Variants in RUNX1 observed in about 807,000 individuals in gnomAD.
The protein encoded by RUNX1 is RUNX family transcription factor 1, also known as runt-related transcription factor 1.
Under a neutral mutation model 42.8 loss-of-function variants are expected in RUNX1, and 19 were observed. That is an observed-to-expected ratio of 0.44 (90% CI 0.31 to 0.65). The LOEUF (loss-of-function observed/expected upper bound fraction) is 0.65. Among genes scored for constraint, RUNX1 ranks in the 30% least tolerant of loss-of-function variants. The probability of loss-of-function intolerance (pLI) is 0.07; values close to 1 mark genes in which losing one functional copy is unlikely to be tolerated. For missense variants in RUNX1, 528 were observed against 672.0 expected (o/e 0.79, Z 2.37); for synonymous variants, 271 against 289.4 (o/e 0.94, Z 0.64).
chr21:34,955,843 T>C (rs549179937), intron 2 of RUNX1, among the ~76,000 whole-genome samples: 10 of 152,320 alleles, frequency 6.6e-5, no homozygotes, highest in African/African-American at 9.6e-5. Context: ...AATCAAGTAA[T>C]TGCATTAAGG....
chr21:34,936,100 C>T (rs1160518572), intron 2 of RUNX1, among the ~76,000 whole-genome samples: 2 of 148,206 alleles, frequency 1.3e-5, no homozygotes, highest in Admixed American at 6.8e-5. Flanking sequence ...TCCCAGAAGC[C>T]CCCCTTTGAA....
intron 2 of RUNX1, among the ~76,000 whole-genome samples, chr21:35,041,072 A>G (rs1387289003): frequency 2.6e-5 from 4 of 152,326 alleles, no homozygotes; most frequent in South Asian, 4.1e-4. Context: ...CTCTCAGGCT[A>G]TATTTGATTT....
intron 2 of RUNX1, among the ~76,000 whole-genome samples, chr21:34,922,540 G>T (rs965736953): frequency 1.3e-5 from 2 of 152,204 alleles, no homozygotes; most frequent in Non-Finnish European, 2.9e-5. Flanking sequence ...AACAGGGTAA[G>T]GGAGAGAAGG....
At chr21:34,895,748 T>C (rs981974752) in intron 2 of RUNX1, among the ~76,000 whole-genome samples, 1 of 151,916 alleles carries the variant, frequency 6.6e-6, no homozygotes. Flanking sequence ...AGTTCAAAAA[T>C]ACATAGACGT....
chr21:34,853,713 T>C (rs1483651597), intron 6 of RUNX1, among the ~76,000 whole-genome samples: 2 of 152,192 alleles, frequency 1.3e-5, no homozygotes, highest in Non-Finnish European at 2.9e-5. Flanking sequence ...AAAATAACAA[T>C]GTGAACTAGG....
chr21:34,869,349 G>A (rs2057706337), intron 5 of RUNX1, among the ~76,000 whole-genome samples: 1 of 152,162 alleles, frequency 6.6e-6, no homozygotes, highest in South Asian at 2.1e-4. Flanking sequence ...GAACACAGAT[G>A]GGGAGACTGA....
chr21:34,790,755 C>CAA lies in RUNX1; in HGVS notation c.*1379_*1380insTT. On this transcript the variant is annotated 3_prime_UTR_variant, in exon 9 of 9. Coordinates refer to ENST00000675419, the MANE Select transcript of RUNX1 (RefSeq NM_001754.5). Reference sequence around the variant, plus strand: ...TCCCACTTGTCTCCACTGAGGCACACAGAGGCAAATTGACTCCTCGAGGCC... The same window carrying CAA: ...TCCCACTTGTCTCCACTGAGGCACACAAAGAGGCAAATTGACTCCTCGAGGCC... The CAA allele has an allele frequency of 4.3e-6, 1 of 233,314 alleles. No homozygotes were observed. Among genetic ancestry groups the CAA allele is most frequent in the Non-Finnish European group, 8.5e-6 (1 of 118,074 alleles). 14.5% of individuals were successfully genotyped at this position (233,314 alleles called of 1,614,324 possible). A position where few individuals can be genotyped will look rare whatever the true frequency, so the allele number is the denominator to read the frequency against.
chr21:34,980,118 T>C (rs1221075157), intron 2 of RUNX1, among the ~76,000 whole-genome samples: 3 of 152,274 alleles, frequency 2.0e-5, no homozygotes, highest in Admixed American at 2.0e-4. Context: ...TATATAAAGA[T>C]CTGCTATTAT....
At chr21:34,995,164 G>A (rs912944375) in intron 2 of RUNX1, among the ~76,000 whole-genome samples, 7 of 152,150 alleles carry the variant, frequency 4.6e-5, no homozygotes, top group Admixed American at 1.3e-4. Flanking sequence ...TGGTGGCCAC[G>A]GAGGCCCCAC....
At chr21:34,994,364 T>C (rs1389734774) in intron 2 of RUNX1, among the ~76,000 whole-genome samples, 1 of 152,218 alleles carries the variant, frequency 6.6e-6, no homozygotes, top group Non-Finnish European at 1.5e-5. Context: ...AGGGTGACCA[T>C]AGTCAATAAT....
At position 34,791,616 on chromosome 21, in the gene RUNX1, C is replaced by T. The variant is rs1423032499; in HGVS notation, c.*519G>A. On this transcript the variant is annotated 3_prime_UTR_variant, in exon 9 of 9. Coordinates refer to ENST00000675419, the MANE Select transcript of RUNX1 (RefSeq NM_001754.5). ...TAAAAACCACCCAAATGCAAATACG[C>T]ATTTTGCAATTGATAAGGTGCGGAA... 4.3e-6 allele frequency: 1 copy of T among 230,196 alleles called. No homozygotes were observed. Among genetic ancestry groups the T allele is most frequent in the Non-Finnish European group, 8.6e-6 (1 of 116,038 alleles). The allele number at this position is 230,196 out of a possible 1,614,324, so 14.3% of individuals were successfully genotyped here.
intron 2 of RUNX1, among the ~76,000 whole-genome samples, chr21:34,924,202 C>T (rs566350378): frequency 9.2e-5 from 14 of 152,318 alleles, no homozygotes; most frequent in African/African-American, 3.4e-4. Context: ...CCCAACTTAG[C>T]TCCTCTCCTC....
intron 2 of RUNX1, among the ~76,000 whole-genome samples, chr21:34,931,615 A>G: frequency 8.1e-6 from 1 of 123,290 alleles, no homozygotes; most frequent in African/African-American, 4.7e-5. Flanking sequence ...TGAGATGACT[A>G]GAGGAGGGAT....
intron 6 of RUNX1, among the ~76,000 whole-genome samples, chr21:34,836,370 G>A (rs547478987): frequency 2.6e-5 from 4 of 152,330 alleles, no homozygotes; most frequent in African/African-American, 4.8e-5. Context: ...GTATGAAAAT[G>A]TCTTTTTTCT....
At chr21:34,981,192 T>A (rs767834708) in intron 2 of RUNX1, among the ~76,000 whole-genome samples, 33 of 152,218 alleles carry the variant, frequency 2.2e-4, no homozygotes, top group Non-Finnish European at 4.1e-4. Flanking sequence ...GAGTTCGTTT[T>A]GAAGTCCTTA....
chr21:34,959,811 T>TG (rs2058670492), intron 2 of RUNX1, among the ~76,000 whole-genome samples: 1 of 152,092 alleles, frequency 6.6e-6, no homozygotes, highest in Non-Finnish European at 1.5e-5. Flanking sequence ...CCTAGTCTTC[T>TG]GGGGAGAGGC....
intron 2 of RUNX1, among the ~76,000 whole-genome samples, chr21:35,004,643 T>G (rs1267540209): frequency 6.6e-6 from 1 of 152,236 alleles, no homozygotes; most frequent in Non-Finnish European, 1.5e-5. Flanking sequence ...CATGGACTGT[T>G]TGAAGCAGGA....
intron 6 of RUNX1, among the ~76,000 whole-genome samples, chr21:34,848,283 G>C (rs138424223): frequency 6.6e-6 from 1 of 152,226 alleles, no homozygotes; most frequent in Non-Finnish European, 1.5e-5. Flanking sequence ...CACTGCTCCA[G>C]CTCGCCTTTC....
chr21:35,034,370 C>T (rs1446200765), intron 2 of RUNX1, among the ~76,000 whole-genome samples: 1 of 152,044 alleles, frequency 6.6e-6, no homozygotes, highest in Non-Finnish European at 1.5e-5. Context: ...TTTTTGTGGA[C>T]ATCTGTAGCC....
Sources: allele counts gnomAD v4.1 joint callset (sites outside exome capture counted in the v4.1 genomes callset), GRCh38; gene constraint gnomAD v4.1.1; transcripts MANE v1.5; gene names NCBI Gene and HGNC (gene_info 2026-07-23, HGNC 2026-07-21).